Variants in PASK observed in about 807,000 individuals in gnomAD.
The protein encoded by PASK is PAS domain containing serine/threonine kinase.
A neutral mutation model predicts 121.0 loss-of-function variants in PASK; 110 were observed. The observed-to-expected ratio is 0.91, with a 90% CI of 0.78 to 1.06. PASK has a LOEUF of 1.06. Among genes scored for constraint, PASK ranks in the 50% least tolerant of loss-of-function variants. The pLI is 0.00. For missense variants in PASK, 1,643 were observed against 1,702.3 expected (o/e 0.97, Z 0.61); for synonymous variants, 686 against 717.8 (o/e 0.96, Z 0.71).
At chr2:241,134,752 C>T (rs2125443703) in intron 8 of PASK, 1 of 151,832 alleles carries the variant, frequency 6.6e-6, no homozygotes. Context: ...GCACTGGCCA[C>T]TCTCTCTCTC....
chr2:241,140,897 T>C (rs1257662211), intron 2 of PASK, 144 bp from the exon 3 acceptor site: 2 of 690,082 alleles, frequency 2.9e-6, no homozygotes, highest in Non-Finnish European at 5.4e-6. Context: ...TAACACACAC[T>C]CTCACTGCGT....
intron 2 of PASK, among the ~76,000 whole-genome samples, chr2:241,141,638 G>A (rs1214573706): frequency 6.6e-6 from 1 of 151,900 alleles, no homozygotes; most frequent in African/African-American, 2.4e-5. Flanking sequence ...TCTCACACTC[G>A]CACCTCCAGC....
rs563285359 is a variant in PASK, at chr2:241,140,013, T to C, written c.472A>G (p.Ser158Gly). The stretch of plus-strand genomic sequence containing the variant: ...TTCTGGCCAATCAGGTCCTGGCTGC[T>C]GTACCCCAGGAGCCCGCAAGCTTTG... ...NDKACGLLGY[S>G]SQDLIGQKLT... Residue 158 changes from serine (S) to glycine (G), a missense_variant, in exon 4 of 18, where the codon AGC becomes GGC. This residue lies in a region of PASK where 1,176 missense variants were observed against 1,162.2 expected (regional missense o/e 1.01). Transcript: ENST00000234040. The C allele has an allele frequency of 1.9e-6, 3 of 1,614,032 alleles. No individual in the cohort carries two copies. The highest frequency in any genetic ancestry group is 3.3e-5 in the Admixed American group (2 of 60,030).
rs762800336 is a variant in PASK at position 241,143,006 on chromosome 2, A to G, written c.27T>C (p.Phe9=). 9 of 1,613,988 alleles carry G rather than the reference A, an allele frequency of 5.6e-6. No individual in the cohort carries two copies. The highest frequency in any genetic ancestry group is 7.6e-6 in the Non-Finnish European group (9 of 1,179,970). The change falls in exon 2 of 18, where the codon TTT becomes TTC. Residue 9 remains phenylalanine (F), a synonymous_variant. Coordinates refer to ENST00000234040, the MANE Select transcript of PASK (RefSeq NM_015148.4). MEDGGLTA[F]EEDQRCLSQS... is the part of the protein sequence containing the mutation. Reference sequence around the variant, plus strand: ...GGGAAAGGCATCTCTGGTCCTCTTCAAAGGCTGTTAAGCCCCCGTCCTCCA... The same window carrying G: ...GGGAAAGGCATCTCTGGTCCTCTTCGAAGGCTGTTAAGCCCCCGTCCTCCA...
intron 12 of PASK, among the ~76,000 whole-genome samples, chr2:241,116,366 G>A (rs1455538647): frequency 6.6e-6 from 1 of 152,246 alleles, no homozygotes; most frequent in Non-Finnish European, 1.5e-5. Context: ...CATTCTGTAA[G>A]GTGGACAGAT....
intron 15 of PASK, among the ~76,000 whole-genome samples, chr2:241,111,186 C>T (rs780061979): frequency 1.3e-5 from 2 of 152,228 alleles, no homozygotes; most frequent in Non-Finnish European, 2.9e-5. Flanking sequence ...TGCGTGACTG[C>T]GAGCAAATGC....
upstream of PASK, chr2:241,150,267 C>T (rs941424754): frequency 1.8e-5 from 24 of 1,321,090 alleles, no homozygotes; most frequent in Non-Finnish European, 2.1e-5. Context: ...AGCTTCTCGC[C>T]TCCAGACTGT....
Position 241,126,529 on chromosome 2 carries a change from C to T in PASK, c.2386G>A (p.Glu796Lys), listed in dbSNP as rs35129131. 0.023 allele frequency: 36,402 copies of T among 1,614,258 alleles called. 523 individuals are homozygous for T. The highest frequency in any genetic ancestry group is 0.025 in the Non-Finnish European group (29,985 of 1,180,034). ...EQGSCVLDDR[E>K]LLLLTGTCVD... ...CAGGTGCCGGTCAGTAGTAACAGCT[C>T]CCTGTCATCCAGGACACACGACCCC... Residue 796 changes from glutamate (E) to lysine (K), a missense_variant, in exon 10 of 18, where the codon GAG (glutamate) becomes AAG (lysine). Physicochemically the swap from Glu to Lys is moderately conservative, Grantham distance 56. Coordinates refer to ENST00000234040, the MANE Select transcript of PASK (RefSeq NM_015148.4).
At chr2:241,142,101 C>T (rs1442689578) in intron 2 of PASK, among the ~76,000 whole-genome samples, 1 of 148,114 alleles carries the variant, frequency 6.8e-6, no homozygotes, top group Non-Finnish European at 1.5e-5. Context: ...GTATCCTGGG[C>T]ACTCTCCACA....
intron 1 of PASK, among the ~76,000 whole-genome samples, chr2:241,145,220 C>T (rs2066899237): frequency 6.6e-6 from 1 of 152,114 alleles, no homozygotes; most frequent in Admixed American, 6.6e-5. Flanking sequence ...GCCGACTTCT[C>T]CCTGTTTGTA....
intron 12 of PASK, among the ~76,000 whole-genome samples, 175 bp downstream of exon 12, chr2:241,122,555 CGT>C (rs1215061376): frequency 6.6e-6 from 1 of 152,204 alleles, no homozygotes; most frequent in African/African-American, 2.4e-5. Flanking sequence ...TGGATGTCAA[CGT>C]GTGTGCTGCT....
At chr2:241,142,214 C>T (rs2066732703) in intron 2 of PASK, among the ~76,000 whole-genome samples, 2 of 152,156 alleles carry the variant, frequency 1.3e-5, no homozygotes, top group Non-Finnish European at 2.9e-5. Context: ...GACCAGACTC[C>T]CAGCCACCAT....
chr2:241,138,202 G>A, intron 5 of PASK, 115 bp from the exon 6 acceptor site: 1 of 1,038,022 alleles, frequency 9.6e-7, no homozygotes, highest in Non-Finnish European at 1.5e-6. Flanking sequence ...TTCTCCATCG[G>A]AAGGGCAAGA....
At chr2:241,138,895 C>T (rs2066570972) in intron 4 of PASK, 101 bp from the exon 5 acceptor site, 13 of 1,097,304 alleles carry the variant, frequency 1.2e-5, no homozygotes, top group South Asian at 2.5e-5. Context: ...GGCACTGCAA[C>T]GTTTTCAACT....
intron 12 of PASK, among the ~76,000 whole-genome samples, chr2:241,119,563 G>A (rs1341693829): frequency 6.7e-6 from 1 of 149,644 alleles, no homozygotes; most frequent in East Asian, 2.0e-4. Context: ...TCCGCCTCCC[G>A]GGTTCATGCC....
rs2066479138 is a variant in PASK at position 241,137,274 on chromosome 2, AG to A, written c.877-11del. 1 of 1,612,428 alleles carries A rather than the reference AG, an allele frequency of 6.2e-7. No individual in the cohort carries two copies. Among genetic ancestry groups the A allele is most frequent in the South Asian group, 1.1e-5 (1 of 91,052 alleles). On this transcript the variant is annotated splice_polypyrimidine_tract_variant and intron_variant, in intron 6 of 17. Coordinates refer to ENST00000234040, the MANE Select transcript of PASK (RefSeq NM_015148.4). ...TCTGAATCTTGAGATTCTGAAAGAA[AG>A]GCTTGTCGTTTGGCTTAAGCCGTGT...
upstream of PASK, chr2:241,150,264 C>G: frequency 1.5e-6 from 2 of 1,292,714 alleles, no homozygotes; most frequent in Non-Finnish European, 9.8e-7. Flanking sequence ...CCCAGCTTCT[C>G]GCCTCCAGAC....
At position 241,143,197 on chromosome 2, in the gene PASK, C is replaced by G. The variant is rs6749340; in HGVS notation, c.-42-123G>C. 3.0e-5 allele frequency: 20 copies of G among 677,542 alleles called. No homozygotes were observed. The African/African-American group carries it at 3.3e-4, about 11-fold the overall frequency. 42.0% of individuals were successfully genotyped at this position (677,542 alleles called of 1,614,324 possible). A position where few individuals can be genotyped will look rare whatever the true frequency, so the allele number is the denominator to read the frequency against. The stretch of plus-strand genomic sequence containing the variant: ...AAGACATACACCACCAACCGCCATC[C>G]TGGGTCAGAACCCGCAATGGGAGAA... On this transcript the variant is annotated intron_variant, in intron 1 of 17. Transcript: ENST00000234040.
In PASK at chr2:241,140,675, G is replaced by A. The variant is rs1265345346; in HGVS notation, c.275C>T (p.Ala92Val). The A allele has an allele frequency of 1.9e-6, 3 of 1,614,074 alleles. No homozygotes were observed. Among genetic ancestry groups the A allele is most frequent in the Non-Finnish European group, 2.5e-6 (3 of 1,179,900 alleles). ...ICTSKLHCPAAPEHTDPSEPR... is the reference protein window; with the variant it reads ...ICTSKLHCPAVPEHTDPSEPR... ...TTCGGACGGGTCCGTGTGCTCAGGG[G>A]CAGCAGGGCAGTGCAGTTTACTTGT... The change falls in exon 3 of 18, where the codon GCC becomes GTC. Residue 92 changes from alanine (A) to valine (V), a missense_variant. Physicochemically the swap from Ala to Val is moderately conservative, Grantham distance 64. Around this residue, in one of 3 missense-constraint regions of PASK, gnomAD observed 1,176 missense variants for 1,162.2 expected, o/e 1.01. Transcript: ENST00000234040.
Sources: gnomAD v4.1 joint callset for allele counts (sites outside exome capture counted in the v4.1 genomes callset) on GRCh38, gnomAD v4.1.1 for gene constraint, gnomAD v4.1.1 regional missense constraint, MANE v1.5 for transcripts, NCBI Gene and HGNC (gene_info 2026-07-23, HGNC 2026-07-21) for gene names.